PANK4: variants seen among roughly 807,000 people sequenced by gnomAD.
PANK4 encodes pantothenate kinase 4 (inactive), also known as 4'-phosphopantetheine phosphatase.
A neutral mutation model predicts 87.9 loss-of-function variants in PANK4; 40 were observed. That is an observed-to-expected ratio of 0.46 (90% CI 0.35 to 0.59). The LOEUF (loss-of-function observed/expected upper bound fraction) is 0.59, where lower values mean the gene tolerates loss of function less well. PANK4 is among the 20% of genes least tolerant of loss of function. The pLI is 0.00. For missense variants in PANK4, 926 were observed against 1,072.3 expected (o/e 0.86, Z 1.90); for synonymous variants, 524 against 467.4 (o/e 1.12, Z -1.56).
rs745762309 is a variant in PANK4 at position 2,509,845 on chromosome 1, G to A, written c.2108+17C>T. The A allele has an allele frequency of 5.6e-6, 9 of 1,607,182 alleles. No individual in the cohort carries two copies. The highest frequency in any genetic ancestry group is 1.7e-5 in the Admixed American group (1 of 59,930). On this transcript the variant is annotated intron_variant, in intron 18 of 18. Coordinates refer to ENST00000378466, the MANE Select transcript of PANK4 (RefSeq NM_018216.4). This position sits in a 1 kb window ranked among gnomAD's most constrained non-coding sequence, Gnocchi z 4.9. ...AGAGCCCAGGAGGGAGAGAACAGGT[G>A]CAGGGTGCGGGGTTACCTGAGGTCG...
At position 2,520,196 on chromosome 1, in the gene PANK4, A is replaced by G; in HGVS notation, c.699+126T>C. 2 of 893,242 alleles carry G rather than the reference A, an allele frequency of 2.2e-6. No individual in the cohort carries two copies. Among genetic ancestry groups the G allele is most frequent in the Non-Finnish European group, 3.6e-6 (2 of 557,452 alleles). The allele number at this position is 893,242 out of a possible 1,614,324, so 55.3% of individuals were successfully genotyped here. On this transcript the variant is annotated intron_variant, in intron 5 of 18. Transcript: ENST00000378466. The surrounding 1 kb of genome is among the most constrained non-coding windows in gnomAD (Gnocchi z 6.2). ...AAGAGTGAAGCCGCAGAGGCCAGAG[A>G]CCCACTGACGCGAGTCAGGAGGGAG...
chr1:2,512,787 C>T (rs744112), intron 13 of PANK4, 101 bp downstream of exon 13: 330,850 of 1,210,276 alleles, frequency 0.27, 53,788 homozygotes, highest in African/African-American at 0.66. Context: ...CCAAGCGCCA[C>T]GTGACCCCCA....
In PANK4 at chr1:2,510,491, C is replaced by A. The variant is rs1201226594; in HGVS notation, c.1938+187G>T. ...TCAGCACATGGACCCTCAGCCTGAG[C>A]CCAGGGGGCTCGGAGCCTCCACCCC... On this transcript the variant is annotated intron_variant, in intron 16 of 18. Coordinates refer to ENST00000378466, the MANE Select transcript of PANK4 (RefSeq NM_018216.4). The surrounding 1 kb of genome is among the most constrained non-coding windows in gnomAD (Gnocchi z 4.9). 7 of 613,034 alleles carry A rather than the reference C, an allele frequency of 1.1e-5. No homozygotes were observed. The Admixed American group carries it at 2.0e-4, about 18-fold the overall frequency. The allele number at this position is 613,034 out of a possible 1,614,324, so 38.0% of individuals were successfully genotyped here. A position where few individuals can be genotyped will look rare whatever the true frequency, so the allele number is the denominator to read the frequency against.
rs1643836804 is a variant in PANK4, at chr1:2,519,031, C to T, written c.1035+112G>A. The T allele has an allele frequency of 7.8e-6, 8 of 1,028,178 alleles. No individual in the cohort carries two copies. The highest frequency in any genetic ancestry group is 7.2e-6 in the Non-Finnish European group (5 of 693,936). The allele number at this position is 1,028,178 out of a possible 1,614,324, so 63.7% of individuals were successfully genotyped here. On this transcript the variant is annotated intron_variant, in intron 7 of 18. Transcript: ENST00000378466. The surrounding 1 kb of genome is among the most constrained non-coding windows in gnomAD (Gnocchi z 8.3). ...AAGGGAGGGGTGCTGGGCTTCTTGG[C>T]CCCCACCCTCCAGGCCTCCCTGGGG... is the stretch of plus-strand genomic sequence containing the variant.
In PANK4 at chr1:2,519,152, G is replaced by T. The variant is rs749527988; in HGVS notation, c.1026C>A (p.Phe342Leu). The change falls in exon 7 of 19, where the codon TTC (phenylalanine) becomes TTA (leucine). Residue 342 changes from phenylalanine to leucine, a missense_variant. Coordinates refer to ENST00000378466, the MANE Select transcript of PANK4 (RefSeq NM_018216.4). The surrounding 1 kb of genome is among the most constrained non-coding windows in gnomAD (Gnocchi z 8.3). The stretch of plus-strand genomic sequence containing the variant: ...GCGGCGCATCCGTTACCTTGGAGAA[G>T]AAGTTGATGCTATAGGTGATGGTGC... ...TMRTITYSIN[F>L]FSKGEVQALF... The T allele has an allele frequency of 1.2e-6, 2 of 1,611,878 alleles. No homozygotes were observed. The highest frequency in any genetic ancestry group is 1.7e-6 in the Non-Finnish European group (2 of 1,179,438).
At chr1:2,521,487 C>A in intron 2 of PANK4, 172 bp from the exon 3 acceptor site, 1 of 699,002 alleles carries the variant, frequency 1.4e-6, no homozygotes, top group Non-Finnish European at 2.5e-6. Flanking sequence ...GACCTCAGGG[C>A]CACCCAGCAG....
In PANK4 at chr1:2,521,312, T is replaced by G; in HGVS notation, c.211A>C (p.Thr71Pro). ...VRSFDHSGKD[T>P]EREHEPPYEI... ...TAGGGCGGCTCATGTTCACGTTCTG[T>G]GTCCTGGAAAACAGAGTAGGGGAGG... is the stretch of plus-strand genomic sequence containing the variant. The change falls in exon 3 of 19, where the codon ACA becomes CCA. Residue 71 changes from threonine to proline, a missense_variant. By Grantham distance (38) the Thr-to-Pro change is conservative. Coordinates refer to ENST00000378466, the MANE Select transcript of PANK4 (RefSeq NM_018216.4). 6.2e-7 allele frequency: 1 copy of G among 1,613,196 alleles called. No homozygotes were observed. Among genetic ancestry groups the G allele is most frequent in the Non-Finnish European group, 8.5e-7 (1 of 1,179,422 alleles).
At chr1:2,516,998 C>T (rs1014977932) in intron 9 of PANK4, among the ~76,000 whole-genome samples, 3 of 152,220 alleles carry the variant, frequency 2.0e-5, no homozygotes, top group Admixed American at 6.5e-5. Flanking sequence ...AGGTAACAAG[C>T]GCCTCCTGAA....
At position 2,520,319 on chromosome 1, in the gene PANK4, T is replaced by C. The variant is rs1376765487; in HGVS notation, c.699+3A>G. 1 of 1,612,052 alleles carries C rather than the reference T, an allele frequency of 6.2e-7. No individual in the cohort carries two copies. Among genetic ancestry groups the C allele is most frequent in the East Asian group, 2.2e-5 (1 of 44,874 alleles). ...TGGAAGGTCTCTGGCAGCTGCCGCA[T>C]ACCTTCGTTTTGGTGAGCAGAGCGC... On this transcript the variant is annotated splice_donor_region_variant and intron_variant, in intron 5 of 18. Coordinates refer to ENST00000378466, the MANE Select transcript of PANK4 (RefSeq NM_018216.4). This position sits in a 1 kb window ranked among gnomAD's most constrained non-coding sequence, Gnocchi z 6.2.
chr1:2,518,871 G>A (rs56168662), intron 7 of PANK4, among the ~76,000 whole-genome samples: 9 of 152,218 alleles, frequency 5.9e-5, no homozygotes, highest in East Asian at 5.8e-4. Flanking sequence ...GTGCCTCTGC[G>A]GGGGCAGGGG....
At chr1:2,518,141 G>C in intron 9 of PANK4, 23 bp downstream of exon 9, 1 of 1,507,146 alleles carries the variant, frequency 6.6e-7, no homozygotes, top group Non-Finnish European at 9.1e-7. Flanking sequence ...TGGGGCCCGG[G>C]GCGGCCAGAG....
intron 12 of PANK4, 151 bp from the exon 13 acceptor site, chr1:2,513,190 C>G (rs570860307): frequency 2.5e-6 from 2 of 800,544 alleles, no homozygotes; most frequent in East Asian, 5.4e-5. Context: ...CCTATCGGTC[C>G]GGGACAGTGG....
intron 1 of PANK4, among the ~76,000 whole-genome samples, chr1:2,523,384 C>T (rs1385635422): frequency 6.6e-6 from 1 of 152,226 alleles, no homozygotes; most frequent in African/African-American, 2.4e-5. Flanking sequence ...GAGAGTCTCA[C>T]TAACATGCAC....
chr1:2,515,462 G>T lies in PANK4; in HGVS notation c.1374+100C>A. On this transcript the variant is annotated intron_variant, in intron 10 of 18. Coordinates refer to ENST00000378466, the MANE Select transcript of PANK4 (RefSeq NM_018216.4). This position sits in a 1 kb window ranked among gnomAD's most constrained non-coding sequence, Gnocchi z 5.0. ...GATCAAGGGGTTTCTGGACAACACT[G>T]GCCTGTCCCCCTTCGCCACCTTGGC... 1 of 1,309,998 alleles carries T rather than the reference G, an allele frequency of 7.6e-7. No individual in the cohort carries two copies. The highest frequency in any genetic ancestry group is 1.1e-6 in the Non-Finnish European group (1 of 911,026). 81.1% of individuals were successfully genotyped at this position (1,309,998 alleles called of 1,614,324 possible).
At chr1:2,522,440 TG>T (rs1643882672) in intron 1 of PANK4, among the ~76,000 whole-genome samples, 1 of 152,218 alleles carries the variant, frequency 6.6e-6, no homozygotes, top group Admixed American at 6.5e-5. Context: ...CGAGAAGCCC[TG>T]TGGCTTCCAG....
In PANK4 at chr1:2,514,106, C is replaced by T. The variant is rs752636814; in HGVS notation, c.1488-17G>A. 31 of 1,601,274 alleles carry T rather than the reference C, an allele frequency of 1.9e-5. No individual in the cohort carries two copies. The highest frequency in any genetic ancestry group is 2.6e-5 in the Non-Finnish European group (30 of 1,169,832). ...CCATAGGCGCTGGGGACAGACACGG[C>T]AGAGGGCGCTGAGCAGGGCAGGCCG... On this transcript the variant is annotated splice_polypyrimidine_tract_variant and intron_variant, in intron 11 of 18. Transcript: ENST00000378466.
At chr1:2,512,568 A>C (rs1570534031) in intron 13 of PANK4, 2 of 389,996 alleles carry the variant, frequency 5.1e-6, no homozygotes, top group East Asian at 9.2e-5. Flanking sequence ...TTCCTACCAC[A>C]CATAGGAAAC....
Position 2,514,073 on chromosome 1 carries a change from T to C in PANK4, c.1504A>G (p.Thr502Ala). Residue 502 changes from threonine (T) to alanine (A), a missense_variant, in exon 12 of 19, where the codon ACC (threonine) becomes GCC (alanine). Coordinates refer to ENST00000378466, the MANE Select transcript of PANK4 (RefSeq NM_018216.4). Reference sequence around the variant, plus strand: ...CTGGTGTCCAGCAGGCTGCGCACGGTCAGGGTCCCATAGGCGCTGGGGACA... The same window carrying C: ...CTGGTGTCCAGCAGGCTGCGCACGGCCAGGGTCCCATAGGCGCTGGGGACA... Reference protein sequence around the residue: ...RQQPFAYGTLTVRSLLDTREH... With the variant: ...RQQPFAYGTLAVRSLLDTREH... The C allele has an allele frequency of 6.2e-7, 1 of 1,612,572 alleles. No homozygotes were observed. The highest frequency in any genetic ancestry group is 8.5e-7 in the Non-Finnish European group (1 of 1,179,728).
At chr1:2,514,766 G>T (rs542378611) in intron 10 of PANK4, among the ~76,000 whole-genome samples, 2 of 152,038 alleles carry the variant, frequency 1.3e-5, no homozygotes, top group Admixed American at 6.5e-5. Flanking sequence ...ACTGGAACAG[G>T]AAAGGCTGAC....
Sources: allele counts gnomAD v4.1 joint callset (sites outside exome capture counted in the v4.1 genomes callset), GRCh38; gene constraint gnomAD v4.1.1; non-coding constraint Gnocchi (gnomAD v3.1); transcripts MANE v1.5; gene names NCBI Gene and HGNC (gene_info 2026-07-23, HGNC 2026-07-21).